The following POLA2 variants were observed in gnomAD, a reference collection of about 807,000 sequenced individuals.
POLA2 encodes the protein DNA polymerase alpha subunit B.
POLA2 carries 47 observed loss-of-function variants against 82.8 expected under a neutral mutation model. That is an observed-to-expected ratio of 0.57 (90% confidence interval 0.45 to 0.72). POLA2 has a LOEUF of 0.72. POLA2 is among the 30% of genes least tolerant of loss of function. POLA2 has a pLI of 0.00. For missense variants in POLA2, 634 were observed against 728.1 expected (o/e 0.87, Z 1.49); for synonymous variants, 287 against 286.8 (o/e 1.00, Z -0.01).
intron 4 of POLA2, among the ~76,000 whole-genome samples, chr11:65,273,184 G>A (rs1425737512): frequency 6.6e-6 from 1 of 151,314 alleles, no homozygotes; most frequent in Non-Finnish European, 1.5e-5. Context: ...TCCCGGCATG[G>A]TGGCACATGC....
At chr11:65,279,772 T>G in intron 7 of POLA2, 146 bp downstream of exon 7, 1 of 585,886 alleles carries the variant, frequency 1.7e-6, no homozygotes, top group East Asian at 3.0e-5. Flanking sequence ...AAATGGGCCC[T>G]TCTGAAGAAA....
intron 6 of POLA2, among the ~76,000 whole-genome samples, chr11:65,279,243 A>C (rs1001596289): frequency 6.6e-6 from 1 of 152,194 alleles, no homozygotes; most frequent in Non-Finnish European, 1.5e-5. Flanking sequence ...TGACTTGCCT[A>C]AAACCTCAGT....
chr11:65,272,435 G>GCTATAGAGGTAAATATGAT (rs1949531307), intron 4 of POLA2, among the ~76,000 whole-genome samples: 1 of 152,178 alleles, frequency 6.6e-6, no homozygotes, highest in Non-Finnish European at 1.5e-5. Context: ...ATATGTCAGT[G>GCTATAGAGGTAAATATGAT]ATTTTAGCTT....
At chr11:65,289,120 G>A in intron 12 of POLA2, 32 bp downstream of exon 12, 1 of 1,581,712 alleles carries the variant, frequency 6.3e-7, no homozygotes, top group Non-Finnish European at 8.7e-7. Context: ...GGGGTCCTGG[G>A]TACTTGAATC....
chr11:65,289,692 A>G (rs764494014), intron 12 of POLA2, 107 bp from the exon 13 acceptor site: 42 of 682,228 alleles, frequency 6.2e-5, no homozygotes, highest in Non-Finnish European at 1.1e-4. Flanking sequence ...CGTCTCCTTC[A>G]GCTCCTAGCC....
chr11:65,292,299 G>A lies in POLA2; in HGVS notation c.1245-1854G>A, dbSNP rs368983643. The stretch of plus-strand genomic sequence containing the variant: ...AAAGCGAGCAGAGCCCGCGGTTCTC[G>A]TCCTGTTTGCGGGAGCAGCTGGAGG... On this transcript the variant is annotated intron_variant, in intron 13 of 17. Coordinates refer to ENST00000265465, the MANE Select transcript of POLA2 (RefSeq NM_002689.4). Among the ~76,000 whole-genome samples the A allele has an allele frequency of 2.4e-4, 37 of 152,334 alleles. No homozygotes were observed. In the East Asian group the frequency reaches 4.4e-3, roughly 18 times the overall value.
At chr11:65,287,568 G>C in intron 10 of POLA2, 148 bp from the exon 11 acceptor site, 1 of 590,884 alleles carries the variant, frequency 1.7e-6, no homozygotes, top group Non-Finnish European at 2.9e-6. Flanking sequence ...GGGTGGACAT[G>C]AGGTCTTCCT....
rs756993719 is a variant in POLA2 at position 65,289,816 on chromosome 11, T to C, written c.1188T>C (p.Ser396=). Residue 396 remains serine, a synonymous_variant, in exon 13 of 18, where the codon AGT becomes AGC. Coordinates refer to ENST00000265465, the MANE Select transcript of POLA2 (RefSeq NM_002689.4). ...HEQVENCLLT[S]PFEDIFKQCL... is the part of the protein sequence containing the mutation. ...TCTTGCAGAATTGTCTACTGACAAG[T>C]CCATTTGAAGACATTTTCAAGCAGT... 4 of 1,609,874 alleles carry C rather than the reference T, an allele frequency of 2.5e-6. No individual in the cohort carries two copies. The highest frequency in any genetic ancestry group is 1.1e-5 in the South Asian group (1 of 90,944).
chr11:65,289,666 G>A, intron 12 of POLA2, 133 bp from the exon 13 acceptor site: 1 of 614,542 alleles, frequency 1.6e-6, no homozygotes, highest in Non-Finnish European at 2.9e-6. Flanking sequence ...CAAAGACCAT[G>A]TCTTTTTCAT....
intron 4 of POLA2, among the ~76,000 whole-genome samples, 162 bp downstream of exon 4, chr11:65,268,891 A>G (rs951348990): frequency 5.9e-5 from 9 of 152,360 alleles, no homozygotes; most frequent in Admixed American, 5.2e-4. Flanking sequence ...AATGTTTTAC[A>G]TAATGGCAGT....
At chr11:65,301,660 C>T (rs1371903783), downstream of POLA2, among the ~76,000 whole-genome samples, 3 of 151,802 alleles carry the variant, frequency 2.0e-5, no homozygotes, top group East Asian at 3.9e-4. Context: ...CCAGCACTTG[C>T]ACTTAGCATC....
At chr11:65,281,291 C>G in intron 8 of POLA2, 144 bp downstream of exon 8, 2 of 878,402 alleles carry the variant, frequency 2.3e-6, no homozygotes, top group Non-Finnish European at 3.5e-6. Flanking sequence ...GCAGACACCA[C>G]TGTTGGGATT....
intron 4 of POLA2, among the ~76,000 whole-genome samples, chr11:65,269,805 A>T (rs919657977): frequency 1.3e-5 from 2 of 152,296 alleles, no homozygotes; most frequent in East Asian, 3.9e-4. Flanking sequence ...TATGCAATGT[A>T]TTCAGTAATA....
intron 8 of POLA2, among the ~76,000 whole-genome samples, chr11:65,303,695 T>A (rs970305581): frequency 1.1e-4 from 17 of 152,154 alleles, no homozygotes; most frequent in African/African-American, 4.1e-4. Context: ...TTCACTGTTG[T>A]CTCACTGGTC....
chr11:65,266,436 CT>C, intron 1 of POLA2, 145 bp from the exon 2 acceptor site: 1 of 750,458 alleles, frequency 1.3e-6, no homozygotes, highest in Non-Finnish European at 2.2e-6. Context: ...AAGGATGCTT[CT>C]GTTTTCTCAT....
intron 4 of POLA2, among the ~76,000 whole-genome samples, chr11:65,271,177 A>T (rs2137509505): frequency 6.6e-6 from 1 of 152,284 alleles, no homozygotes; most frequent in East Asian, 1.9e-4. Context: ...CCTCCATTAG[A>T]TGGAAGCTCC....
intron 11 of POLA2, 74 bp downstream of exon 11, chr11:65,287,914 A>G (rs1320377894): frequency 1.4e-6 from 2 of 1,444,918 alleles, no homozygotes; most frequent in African/African-American, 2.8e-5. Context: ...AATTTTTAGG[A>G]AGCATGTCAG....
At chr11:65,271,037 A>G (rs553011601) in intron 4 of POLA2, among the ~76,000 whole-genome samples, 1 of 152,298 alleles carries the variant, frequency 6.6e-6, no homozygotes, top group South Asian at 2.1e-4. Flanking sequence ...TTGTCAGGGA[A>G]CAAGCCTGCC....
chr11:65,279,513 C>CTT, intron 6 of POLA2, 25 bp from the exon 7 acceptor site: 1 of 1,490,790 alleles, frequency 6.7e-7, no homozygotes, highest in Non-Finnish European at 9.3e-7. Flanking sequence ...AAACATAATA[C>CTT]TTTTTTCCAC....
Sources: gnomAD v4.1 joint callset for allele counts (sites outside exome capture counted in the v4.1 genomes callset) on GRCh38, gnomAD v4.1.1 for gene constraint, MANE v1.5 for transcripts, NCBI Gene and HGNC (gene_info 2026-07-23, HGNC 2026-07-21) for gene names.